Variants in KCNC1 observed in about 807,000 individuals in gnomAD.
KCNC1 encodes potassium voltage-gated channel subfamily C member 1, also known as voltage-gated potassium channel KCNC1.
Under a neutral mutation model 43.4 loss-of-function variants are expected in KCNC1, and 8 were observed. The ratio of observed to expected loss-of-function variants is 0.18; its 90% CI spans 0.11 to 0.33. The LOEUF is 0.33. Ranked by LOEUF, KCNC1 falls within the 10% of genes least tolerant of loss-of-function variation. The pLI, the probability that KCNC1 is intolerant of heterozygous loss-of-function variation, is 1.00. For synonymous variants in KCNC1, 361 were observed against 360.5 expected, an observed-to-expected ratio of 1.00 and a Z score of -0.01; for missense variants, 420 against 836.0, an observed-to-expected ratio of 0.50 and a Z score of 6.14.
At position 17,735,832 on chromosome 11, in the gene KCNC1, G is replaced by T. The variant is rs1166987957; in HGVS notation, c.-171G>T. 1 of 684,968 alleles carries T rather than the reference G, an allele frequency of 1.5e-6. No homozygotes were observed. Among genetic ancestry groups the T allele is most frequent in the Non-Finnish European group, 2.2e-6 (1 of 457,738 alleles). 42.4% of individuals were successfully genotyped at this position (684,968 alleles called of 1,614,324 possible). Reference sequence around the variant, plus strand: ...TGGACCGGCACCCGACAAAGCGCCCGGAGAGGCTTGGCTCGCTCGTTGGGG... The same window carrying T: ...TGGACCGGCACCCGACAAAGCGCCCTGAGAGGCTTGGCTCGCTCGTTGGGG... On this transcript the variant is annotated 5_prime_UTR_variant, in exon 1 of 4. Coordinates refer to ENST00000265969, the MANE Select transcript of KCNC1 (RefSeq NM_001112741.2). This position sits in a 1 kb window ranked among gnomAD's most constrained non-coding sequence, Gnocchi z 6.7.
rs1015890116 is a variant in KCNC1 at position 17,773,400 on chromosome 11, T to G, written c.1504+802T>G. The stretch of plus-strand genomic sequence containing the variant: ...TGGAAGCGGCTGCCGAGCAAAAGAC[T>G]AGAGGGGGCCACCACCCTGGGCAGC... On this transcript the variant is annotated intron_variant, in intron 2 of 3. Coordinates refer to ENST00000265969, the MANE Select transcript of KCNC1 (RefSeq NM_001112741.2). This position sits in a 1 kb window ranked among gnomAD's most constrained non-coding sequence, Gnocchi z 4.1. 1.0e-6 allele frequency: 1 copy of G among 985,244 alleles called. No homozygotes were observed. Among genetic ancestry groups the G allele is most frequent in the East Asian group, 1.1e-4 (1 of 8,796 alleles). 61.0% of individuals were successfully genotyped at this position (985,244 alleles called of 1,614,324 possible).
chr11:17,742,901 C>T lies in KCNC1; in HGVS notation c.570+6329C>T, dbSNP rs1590092272. Reference sequence around the variant, plus strand: ...GCGTGCTGTTCTTCTCTTATCTACTCCCATTAATTTCCTTCCTGGGGGAAG... The same window carrying T: ...GCGTGCTGTTCTTCTCTTATCTACTTCCATTAATTTCCTTCCTGGGGGAAG... On this transcript the variant is annotated intron_variant, in intron 1 of 3. Transcript: ENST00000265969. This position sits in a 1 kb window ranked among gnomAD's most constrained non-coding sequence, Gnocchi z 4.2. Among the ~76,000 whole-genome samples, 1 of 152,116 alleles carries T rather than the reference C, an allele frequency of 6.6e-6. No homozygotes were observed. The highest frequency in any genetic ancestry group is 6.5e-5 in the Admixed American group (1 of 15,278).
chr11:17,744,021 C>T (rs541454295), intron 1 of KCNC1, among the ~76,000 whole-genome samples: 5 of 152,024 alleles, frequency 3.3e-5, no homozygotes, highest in Non-Finnish European at 5.9e-5. Flanking sequence ...AGACCAGCCC[C>T]GGTGTGTGGA....
In KCNC1 at chr11:17,772,608, C is replaced by G; in HGVS notation, c.1504+10C>G. 6.2e-7 allele frequency: 1 copy of G among 1,608,966 alleles called. No homozygotes were observed. The highest frequency in any genetic ancestry group is 8.5e-7 in the Non-Finnish European group (1 of 1,176,546). ...GAAATTAACAGAGCAGGTAGGAAAC[C>G]TCTTAGAGGCATGTCGATCTGACCT... On this transcript the variant is annotated intron_variant, in intron 2 of 3. Coordinates refer to ENST00000265969, the MANE Select transcript of KCNC1 (RefSeq NM_001112741.2).
intron 1 of KCNC1, among the ~76,000 whole-genome samples, chr11:17,753,989 C>T (rs1848997874): frequency 6.6e-6 from 1 of 152,226 alleles, no homozygotes; most frequent in Non-Finnish European, 1.5e-5. Flanking sequence ...GATGTATCTG[C>T]CCTCTCTCTG....
chr11:17,781,316 G>GT lies in KCNC1; in HGVS notation c.1694-354_1694-353insT. 1 of 236,388 alleles carries GT rather than the reference G, an allele frequency of 4.2e-6. No homozygotes were observed. Among genetic ancestry groups the GT allele is most frequent in the Non-Finnish European group, 8.2e-6 (1 of 121,594 alleles). The allele number at this position is 236,388 out of a possible 1,614,324, so 14.6% of individuals were successfully genotyped here. A position where few individuals can be genotyped will look rare whatever the true frequency, so the allele number is the denominator to read the frequency against. ...GCTTAGGTGCCAGAGTCTTTGGGAG[G>GT]CGCTAAGGGTGAAGTGTCCCCACCT... On this transcript the variant is annotated intron_variant, in intron 3 of 3. Coordinates refer to ENST00000265969, the MANE Select transcript of KCNC1 (RefSeq NM_001112741.2). The surrounding 1 kb of genome is among the most constrained non-coding windows in gnomAD (Gnocchi z 5.1).
intron 1 of KCNC1, among the ~76,000 whole-genome samples, chr11:17,754,632 C>T (rs1849004505): frequency 6.6e-6 from 1 of 152,332 alleles, no homozygotes; most frequent in Admixed American, 6.5e-5. Context: ...TTGTGCTCCC[C>T]ATTTCCTGGA....
chr11:17,755,085 C>T (rs1420230475), intron 1 of KCNC1, among the ~76,000 whole-genome samples: 2 of 152,044 alleles, frequency 1.3e-5, no homozygotes, highest in Non-Finnish European at 2.9e-5. Context: ...TCTTGGGGTG[C>T]CATGAGGCAG....
At chr11:17,769,363 T>G (rs562570506) in intron 1 of KCNC1, among the ~76,000 whole-genome samples, 2 of 138,288 alleles carry the variant, frequency 1.4e-5, no homozygotes, top group African/African-American at 2.7e-5. Flanking sequence ...GGGAGGGAGA[T>G]AAAGAAAAAA....
intron 1 of KCNC1, among the ~76,000 whole-genome samples, chr11:17,741,719 A>G (rs538874664): frequency 6.6e-6 from 1 of 152,076 alleles, no homozygotes; most frequent in Non-Finnish European, 1.5e-5. Context: ...CTGTCCCTCC[A>G]GTTTCCTCTG....
At chr11:17,740,167 G>A (rs1015131179) in intron 1 of KCNC1, among the ~76,000 whole-genome samples, 15 of 152,214 alleles carry the variant, frequency 9.9e-5, no homozygotes, top group Admixed American at 4.6e-4. Context: ...AGGGGCAAGA[G>A]TGCCGGCTGC....
At chr11:17,749,019 G>A (rs1848934315) in intron 1 of KCNC1, among the ~76,000 whole-genome samples, 1 of 152,170 alleles carries the variant, frequency 6.6e-6, no homozygotes, top group Non-Finnish European at 1.5e-5. Flanking sequence ...AGTCACACAG[G>A]CCTCCGTGGT....
chr11:17,747,614 G>T (rs1176102642), intron 1 of KCNC1, among the ~76,000 whole-genome samples: 2 of 152,174 alleles, frequency 1.3e-5, no homozygotes, highest in Non-Finnish European at 2.9e-5. Flanking sequence ...GGGCTGCTCC[G>T]CCAGGCCGAC....
chr11:17,759,673 G>A (rs930958023), intron 1 of KCNC1, among the ~76,000 whole-genome samples: 2 of 152,104 alleles, frequency 1.3e-5, no homozygotes, highest in African/African-American at 4.8e-5. Flanking sequence ...TGAGGAGAGA[G>A]AGAGATGGGA....
In KCNC1 at chr11:17,772,519, C is replaced by T. The variant is rs755628813; in HGVS notation, c.1425C>T (p.Val475=). 12 of 1,614,220 alleles carry T rather than the reference C, an allele frequency of 7.4e-6. No individual in the cohort carries two copies. Among genetic ancestry groups the T allele is most frequent in the South Asian group, 2.2e-5 (2 of 91,086 alleles). ...QLGSPNYCKS[V]VNSPHHSTQS... is the part of the protein sequence containing the mutation. The stretch of plus-strand genomic sequence containing the variant: ...GATCTCCCAATTATTGTAAATCTGT[C>T]GTAAACTCTCCACACCACAGTACTC... Residue 475 remains valine (V), a synonymous_variant, in exon 2 of 4, where the codon GTC becomes GTT. Coordinates refer to ENST00000265969, the MANE Select transcript of KCNC1 (RefSeq NM_001112741.2).
chr11:17,764,456 T>C (rs1010476760), intron 1 of KCNC1, among the ~76,000 whole-genome samples: 7 of 152,248 alleles, frequency 4.6e-5, no homozygotes, highest in East Asian at 3.9e-4. Flanking sequence ...ACAAAACTTG[T>C]GCACAGGCCT....
At position 17,779,756 on chromosome 11, in the gene KCNC1, G is replaced by C. The variant is rs1332472875; in HGVS notation, c.1693+112G>C. Reference sequence around the variant, plus strand: ...CTGAGGGGCAGGCAGGCACACCGAGGGGGGCAAGGATGGAGGGAATCTCCC... The same window carrying C: ...CTGAGGGGCAGGCAGGCACACCGAGCGGGGCAAGGATGGAGGGAATCTCCC... On this transcript the variant is annotated intron_variant, in intron 3 of 3. Coordinates refer to ENST00000265969, the MANE Select transcript of KCNC1 (RefSeq NM_001112741.2). The surrounding 1 kb of genome is among the most constrained non-coding windows in gnomAD (Gnocchi z 7.2). The C allele has an allele frequency of 2.3e-6, 2 of 870,566 alleles. No homozygotes were observed. The highest frequency in any genetic ancestry group is 1.7e-5 in the African/African-American group (1 of 57,538). 53.9% of individuals were successfully genotyped at this position (870,566 alleles called of 1,614,324 possible).
chr11:17,779,446 A>G lies in KCNC1; in HGVS notation c.1505-10A>G, dbSNP rs1849322043. 5 of 1,534,530 alleles carry G rather than the reference A, an allele frequency of 3.3e-6. No individual in the cohort carries two copies. In the South Asian group the frequency reaches 3.7e-5, roughly 11 times the overall value. On this transcript the variant is annotated splice_polypyrimidine_tract_variant and intron_variant, in intron 2 of 3. Transcript: ENST00000265969. The surrounding 1 kb of genome is among the most constrained non-coding windows in gnomAD (Gnocchi z 7.2). ...CAGTGTCTCAATAGCTTCTGCTTAT[A>G]TGTTTGAAGATTCCAAACTGAATGG...
intron 1 of KCNC1, among the ~76,000 whole-genome samples, chr11:17,764,632 G>C (rs1849127465): frequency 6.6e-6 from 1 of 152,214 alleles, no homozygotes; most frequent in Non-Finnish European, 1.5e-5. Flanking sequence ...ACCTTGGGGA[G>C]CTCCTCCCGC....
Sources: gnomAD v4.1 joint callset for allele counts (sites outside exome capture counted in the v4.1 genomes callset) on GRCh38, gnomAD v4.1.1 for gene constraint, Gnocchi (gnomAD v3.1) non-coding constraint, MANE v1.5 for transcripts, NCBI Gene and HGNC (gene_info 2026-07-23, HGNC 2026-07-21) for gene names.